EPB41: variants seen among roughly 807,000 people sequenced by gnomAD.
The protein encoded by EPB41 is erythrocyte membrane protein band 4.1.
A neutral mutation model predicts 108.0 loss-of-function variants in EPB41; 65 were observed. The observed-to-expected ratio is 0.60, with a 90% CI of 0.49 to 0.74. The LOEUF (loss-of-function observed/expected upper bound fraction) is 0.74, where lower values mean the gene tolerates loss of function less well. EPB41 is among the 30% of genes least tolerant of loss of function. EPB41 has a pLI of 0.00. For missense variants in EPB41, 875 were observed against 1,037.0 expected, an observed-to-expected ratio of 0.84 and a Z score of 2.15; for synonymous variants, 336 against 358.9, an observed-to-expected ratio of 0.94 and a Z score of 0.72.
Position 29,119,984 on chromosome 1 carries a change from ATC to A in EPB41, c.*3174_*3175del, listed in dbSNP as rs1330616584. 6.6e-6 allele frequency: 1 copy of A among 152,614 alleles called. No individual in the cohort carries two copies. The highest frequency in any genetic ancestry group is 2.4e-5 in the African/African-American group (1 of 41,440). 9.5% of individuals were successfully genotyped at this position (152,614 alleles called of 1,614,324 possible). A position where few individuals can be genotyped will look rare whatever the true frequency, so the allele number is the denominator to read the frequency against. On this transcript the variant is annotated 3_prime_UTR_variant, in exon 21 of 21. Transcript: ENST00000343067. ...GTAGAAGTGGTTGTAGTGTTTAGAT[ATC>A]TGTTTGGTCTTGCTTCTTGTATTGC...
At chr1:29,070,823 C>T (rs1651007032) in intron 16 of EPB41, 1 of 662,712 alleles carries the variant, frequency 1.5e-6, no homozygotes, top group Admixed American at 4.4e-5. Flanking sequence ...CCAAAGCCAG[C>T]TTTTCTGCAT....
At chr1:28,890,492 C>G (rs902245121) in intron 1 of EPB41, among the ~76,000 whole-genome samples, 1 of 152,124 alleles carries the variant, frequency 6.6e-6, no homozygotes, top group African/African-American at 2.4e-5. Flanking sequence ...ATTACTATAG[C>G]CTCGGGACCT....
Position 29,119,579 on chromosome 1 carries a change from C to G in EPB41, c.*2767C>G, listed in dbSNP as rs1168131404. 6.6e-6 allele frequency: 1 copy of G among 152,268 alleles called. No individual in the cohort carries two copies. Among genetic ancestry groups the G allele is most frequent in the Admixed American group, 6.5e-5 (1 of 15,276 alleles). 9.4% of individuals were successfully genotyped at this position (152,268 alleles called of 1,614,324 possible). A position where few individuals can be genotyped will look rare whatever the true frequency, so the allele number is the denominator to read the frequency against. On this transcript the variant is annotated 3_prime_UTR_variant, in exon 21 of 21. Transcript: ENST00000343067. ...GCGGGACCCGTCAGGGCCCCGTGAC[C>G]CATCCCCGTCCCCACCCCCCCCTCC...
chr1:29,107,628 G>A (rs1667611279), intron 17 of EPB41, among the ~76,000 whole-genome samples: 2 of 151,838 alleles, frequency 1.3e-5, no homozygotes, highest in Non-Finnish European at 1.5e-5. Context: ...GGAGGTGGGC[G>A]GTTCACGAAG....
chr1:29,024,280 A>C (rs928367561), intron 7 of EPB41, among the ~76,000 whole-genome samples: 1 of 151,620 alleles, frequency 6.6e-6, no homozygotes, highest in African/African-American at 2.4e-5. Flanking sequence ...GGTTGCAGTG[A>C]GCCGAGATCA....
intron 1 of EPB41, among the ~76,000 whole-genome samples, chr1:28,919,469 C>T (rs947633531): frequency 6.8e-6 from 1 of 146,156 alleles, no homozygotes; most frequent in African/African-American, 2.5e-5. Flanking sequence ...TCCTTTCTTT[C>T]TTTTTTTTTT....
intron 1 of EPB41, among the ~76,000 whole-genome samples, chr1:28,931,061 A>G (rs1169018501): frequency 7.9e-5 from 12 of 152,182 alleles, no homozygotes; most frequent in Non-Finnish European, 1.8e-4. Context: ...ATGAAAACAA[A>G]TACCTATCTA....
chr1:28,965,210 T>C, intron 1 of EPB41, among the ~76,000 whole-genome samples: 1 of 152,180 alleles, frequency 6.6e-6, no homozygotes, highest in East Asian at 1.9e-4. Context: ...AAACTTTAAT[T>C]ATCATCTTCC....
At chr1:29,070,627 G>C (rs1267658872) in intron 16 of EPB41, 5 of 1,231,900 alleles carry the variant, frequency 4.1e-6, no homozygotes, top group East Asian at 3.2e-5. Context: ...CAGAAAACAG[G>C]GTGCTCATCT....
At chr1:28,937,533 GACA>G (rs2094090372) in intron 1 of EPB41, among the ~76,000 whole-genome samples, 1 of 152,122 alleles carries the variant, frequency 6.6e-6, no homozygotes, top group Non-Finnish European at 1.5e-5. Flanking sequence ...TAGATGGGAT[GACA>G]GGCATGGGCC....
chr1:29,000,868 A>C (rs1419594712), intron 4 of EPB41, among the ~76,000 whole-genome samples: 1 of 152,018 alleles, frequency 6.6e-6, no homozygotes, highest in Non-Finnish European at 1.5e-5. Flanking sequence ...TTAAAACGAG[A>C]GTCCTTAGCT....
intron 7 of EPB41, among the ~76,000 whole-genome samples, chr1:29,023,589 A>G (rs1177022866): frequency 6.6e-6 from 1 of 151,870 alleles, no homozygotes; most frequent in African/African-American, 2.4e-5. Context: ...CAGGAGGCTG[A>G]GGCAGGAGAA....
At chr1:29,105,624 G>A (rs1666869481) in intron 17 of EPB41, among the ~76,000 whole-genome samples, 1 of 151,412 alleles carries the variant, frequency 6.6e-6, no homozygotes, top group Non-Finnish European at 1.5e-5. Context: ...TTGCTGAATA[G>A]TATTACATTG....
At position 29,115,759 on chromosome 1, in the gene EPB41, G is replaced by A. The variant is rs755086806; in HGVS notation, c.2557G>A (p.Val853Met). The change falls in exon 20 of 21, where the codon GTG becomes ATG. Residue 853 changes from valine to methionine, a missense_variant. Val to Met is a conservative substitution (Grantham distance 21, BLOSUM62 1). This residue lies in a region of EPB41 where 519 missense variants were observed against 627.3 expected (regional missense o/e 0.83). Coordinates refer to ENST00000343067, the MANE Select transcript of EPB41 (RefSeq NM_001376013.1). The surrounding 1 kb of genome is among the most constrained non-coding windows in gnomAD (Gnocchi z 4.4). The part of the protein sequence containing the change: ...EQHPDMSVTK[V>M]VVHQETEIAD... ...GCACCCAGACATGTCAGTGACCAAGGTGGTCGTCCACCAGGAGACCGAGAT... is the reference window on the plus strand; with the variant it reads ...GCACCCAGACATGTCAGTGACCAAGATGGTCGTCCACCAGGAGACCGAGAT... 1 of 1,614,088 alleles carries A rather than the reference G, an allele frequency of 6.2e-7. No homozygotes were observed. Among genetic ancestry groups the A allele is most frequent in the Non-Finnish European group, 8.5e-7 (1 of 1,180,008 alleles).
At chr1:29,087,641 G>A (rs550787516) in intron 16 of EPB41, among the ~76,000 whole-genome samples, 3 of 152,204 alleles carry the variant, frequency 2.0e-5, no homozygotes, top group South Asian at 2.1e-4. Flanking sequence ...GATTGTAGGC[G>A]TGAGCCACTG....
intron 12 of EPB41, among the ~76,000 whole-genome samples, chr1:29,057,661 T>TCAATTTTTTAATTTAAAATATC (rs1312236267): frequency 6.6e-6 from 1 of 152,216 alleles, no homozygotes; most frequent in Non-Finnish European, 1.5e-5. Flanking sequence ...GTAAAAATAA[T>TCAATTTTTTAATTTAAAATATC]CAATTTTTTA....
chr1:28,986,871 C>T (rs545311053), intron 1 of EPB41, among the ~76,000 whole-genome samples: 6 of 152,236 alleles, frequency 3.9e-5, no homozygotes, highest in African/African-American at 9.6e-5. Context: ...GTATATTTGT[C>T]GTTGCTGTTA....
chr1:29,076,458 C>T (rs1164663144), intron 16 of EPB41, among the ~76,000 whole-genome samples: 1 of 152,144 alleles, frequency 6.6e-6, no homozygotes, highest in Non-Finnish European at 1.5e-5. Context: ...AGCCCAGAAT[C>T]TGTTGATAAG....
rs1243911935 is a variant in EPB41 at position 29,115,374 on chromosome 1, C to T, written c.2497-325C>T. Among the ~76,000 whole-genome samples, 2 of 151,866 alleles carry T rather than the reference C, an allele frequency of 1.3e-5. No homozygotes were observed. Among genetic ancestry groups the T allele is most frequent in the East Asian group, 1.9e-4 (1 of 5,184 alleles). The stretch of plus-strand genomic sequence containing the variant: ...CACCATTGCACTCCAGCCTGGGTGA[C>T]GGAGCGAGACTCCATCTCAACAACA... On this transcript the variant is annotated intron_variant, in intron 19 of 20. Transcript: ENST00000343067. The surrounding 1 kb of genome is among the most constrained non-coding windows in gnomAD (Gnocchi z 4.4).
Sources: gnomAD v4.1 joint callset for allele counts (sites outside exome capture counted in the v4.1 genomes callset) on GRCh38, gnomAD v4.1.1 for gene constraint, gnomAD v4.1.1 regional missense constraint, Gnocchi (gnomAD v3.1) non-coding constraint, MANE v1.5 for transcripts, NCBI Gene and HGNC (gene_info 2026-07-23, HGNC 2026-07-21) for gene names.